Variants in PSMB7 observed in about 807,000 individuals in gnomAD.
PSMB7 encodes proteasome subunit beta type-7.
Under a neutral mutation model 28.1 loss-of-function variants are expected in PSMB7, and 5 were observed. That is an observed-to-expected ratio of 0.18 (90% CI 0.09 to 0.37). The LOEUF (loss-of-function observed/expected upper bound fraction) is 0.37. PSMB7 is among the 10% of genes least tolerant of loss of function. PSMB7 has a pLI of 1.00. For missense variants in PSMB7, 275 were observed against 346.2 expected (o/e 0.79, Z 1.63); for synonymous variants, 122 against 123.7 (o/e 0.99, Z 0.09).
intron 4 of PSMB7, among the ~76,000 whole-genome samples, chr9:124,408,230 G>A (rs1291996470): frequency 6.6e-6 from 1 of 151,892 alleles, no homozygotes; most frequent in East Asian, 1.9e-4. Flanking sequence ...TTTCTCCTGC[G>A]CTACTGACGG....
chr9:124,357,432 T>G (rs774491167), intron 6 of PSMB7, among the ~76,000 whole-genome samples: 1 of 152,206 alleles, frequency 6.6e-6, no homozygotes, highest in Non-Finnish European at 1.5e-5. Flanking sequence ...AGCTGAAAGT[T>G]ACTTGAGAAA....
intron 4 of PSMB7, 100 bp from the exon 5 acceptor site, chr9:124,405,532 T>C (rs1830954543): frequency 1.4e-6 from 1 of 737,484 alleles, no homozygotes; most frequent in Non-Finnish European, 2.3e-6. Context: ...CAAAAAGTTT[T>C]CCTTAAGACT....
At chr9:124,406,001 A>AATTTT (rs974368537) in intron 4 of PSMB7, among the ~76,000 whole-genome samples, 10 of 152,058 alleles carry the variant, frequency 6.6e-5, no homozygotes, top group African/African-American at 2.4e-4. Context: ...TCCCCTTTAA[A>AATTTT]AGACAACATT....
chr9:124,356,844 G>A lies in PSMB7; in HGVS notation c.642C>T (p.Ser214=). 1 of 1,614,202 alleles carries A rather than the reference G, an allele frequency of 6.2e-7. No individual in the cohort carries two copies. The highest frequency in any genetic ancestry group is 8.5e-7 in the Non-Finnish European group (1 of 1,180,042). ...AGIFNDLGSG[S]NIDLCVISKN... is the part of the protein sequence containing the mutation. The stretch of plus-strand genomic sequence containing the variant: ...TGCTGATGACGCAGAGGTCAATGTT[G>A]CTTCCGGAGCCCAGGTCGTTGAAGA... The change falls in exon 7 of 8, where the codon AGC becomes AGT. Residue 214 remains serine, a synonymous_variant. Transcript: ENST00000259457. The surrounding 1 kb of genome is among the most constrained non-coding windows in gnomAD (Gnocchi z 4.4).
chr9:124,360,473 G>C (rs568929390), intron 6 of PSMB7, among the ~76,000 whole-genome samples: 1 of 152,246 alleles, frequency 6.6e-6, no homozygotes, highest in Non-Finnish European at 1.5e-5. Context: ...GCCCAGGTGC[G>C]ATGCTCTCTC....
chr9:124,413,858 C>A (rs763248390), intron 3 of PSMB7, 50 bp downstream of exon 3: 23 of 1,324,948 alleles, frequency 1.7e-5, no homozygotes, highest in Non-Finnish European at 2.3e-5. Flanking sequence ...CAATTTTTAG[C>A]CCTGACATGT....
At chr9:124,411,424 C>A (rs2131182146) in intron 4 of PSMB7, among the ~76,000 whole-genome samples, 1 of 152,332 alleles carries the variant, frequency 6.6e-6, no homozygotes, top group South Asian at 2.1e-4. Flanking sequence ...CCGTGCTCCC[C>A]TTTAATTCTC....
At position 124,377,869 on chromosome 9, in the gene PSMB7, A is replaced by C. The variant is rs779434315; in HGVS notation, c.570+6729T>G. On this transcript the variant is annotated intron_variant, in intron 6 of 7. Transcript: ENST00000259457. ...CAGAGAAAGGACCATCACAGTTGGC[A>C]TTGACTAAGCATGTGCTACTTAAAA... is the stretch of plus-strand genomic sequence containing the variant. Among the ~76,000 whole-genome samples the C allele has an allele frequency of 2.0e-5, 3 of 152,230 alleles. No individual in the cohort carries two copies. The East Asian group carries it at 5.8e-4, about 29-fold the overall frequency.
chr9:124,393,156 T>TAA (rs1330962158), intron 5 of PSMB7, among the ~76,000 whole-genome samples: 1 of 152,166 alleles, frequency 6.6e-6, no homozygotes, highest in Non-Finnish European at 1.5e-5. Flanking sequence ...TTGATGAATA[T>TAA]AAAATAAGGC....
At chr9:124,369,588 T>A (rs991335511) in intron 6 of PSMB7, among the ~76,000 whole-genome samples, 3 of 152,282 alleles carry the variant, frequency 2.0e-5, no homozygotes, top group African/African-American at 7.2e-5. Flanking sequence ...CGGATGCTAA[T>A]TAAAAGGCCA....
intron 5 of PSMB7, among the ~76,000 whole-genome samples, chr9:124,402,796 C>G (rs536938699): frequency 7.9e-5 from 12 of 152,298 alleles, no homozygotes; most frequent in African/African-American, 2.6e-4. Context: ...AAAAGCAATA[C>G]TTTGATGGAG....
rs540588643 is a variant in PSMB7, at chr9:124,405,219, A to G, written c.511+98T>C. 12 of 783,630 alleles carry G rather than the reference A, an allele frequency of 1.5e-5. 1 individual carries two copies. In the South Asian group the frequency reaches 2.0e-4, roughly 13 times the overall value. The allele number at this position is 783,630 out of a possible 1,614,324, so 48.5% of individuals were successfully genotyped here. A position where few individuals can be genotyped will look rare whatever the true frequency, so the allele number is the denominator to read the frequency against. On this transcript the variant is annotated intron_variant, in intron 5 of 7. Coordinates refer to ENST00000259457, the MANE Select transcript of PSMB7 (RefSeq NM_002799.4). ...TTTGCTGAATGAATCAAAGCATTGT[A>G]TTGCACCTCCTCTTCTAAGAGAAAA...
chr9:124,389,081 C>T (rs111346316), intron 5 of PSMB7, among the ~76,000 whole-genome samples: 5 of 152,318 alleles, frequency 3.3e-5, no homozygotes, highest in African/African-American at 1.2e-4. Context: ...GCAGTAAATG[C>T]CTGGATAAGG....
chr9:124,361,772 C>G (rs1455347880), intron 6 of PSMB7, among the ~76,000 whole-genome samples: 1 of 152,204 alleles, frequency 6.6e-6, no homozygotes, highest in African/African-American at 2.4e-5. Context: ...AACCTGTTAT[C>G]TAGAGAGTTG....
intron 7 of PSMB7, among the ~76,000 whole-genome samples, chr9:124,355,964 T>C (rs1006461614): frequency 3.3e-5 from 5 of 152,170 alleles, no homozygotes; most frequent in African/African-American, 1.2e-4. Context: ...TGGTGCTCAC[T>C]TCCTCGGGGC....
chr9:124,396,077 C>T (rs1830837761), intron 5 of PSMB7, among the ~76,000 whole-genome samples: 1 of 152,192 alleles, frequency 6.6e-6, no homozygotes, highest in Admixed American at 6.5e-5. Flanking sequence ...CTATGAAGTC[C>T]ATATATACGT....
At chr9:124,387,235 G>A (rs1296818117) in intron 5 of PSMB7, among the ~76,000 whole-genome samples, 1 of 152,138 alleles carries the variant, frequency 6.6e-6, no homozygotes, top group African/African-American at 2.4e-5. Flanking sequence ...GACAGAGCAA[G>A]ACTCTGTCTC....
In PSMB7 at chr9:124,415,406, T is replaced by G; in HGVS notation, c.20A>C (p.Tyr7Ser). ...AGAGAAGCCTCCAACTGGTGGAGCA[T>G]ACACCGACACAGCCGCCATCTTCCC... is the stretch of plus-strand genomic sequence containing the variant. MAAVSV[Y>S]APPVGGFSFD... The change falls in exon 1 of 8, where the codon TAT (tyrosine) becomes TCT (serine). Residue 7 changes from tyrosine (Y) to serine (S), a missense_variant. This residue lies in a region of PSMB7 where 62 missense variants were observed against 43.9 expected (regional missense o/e 1.41). Transcript: ENST00000259457. 6.2e-7 allele frequency: 1 copy of G among 1,614,096 alleles called. No individual in the cohort carries two copies.
chr9:124,370,555 T>G (rs1480090170), intron 6 of PSMB7, among the ~76,000 whole-genome samples: 2 of 151,484 alleles, frequency 1.3e-5, no homozygotes, highest in Non-Finnish European at 2.9e-5. Context: ...ACTGCAAAGC[T>G]TTTTTTTTCT....
Sources: gnomAD v4.1 joint callset for allele counts (sites outside exome capture counted in the v4.1 genomes callset) on GRCh38, gnomAD v4.1.1 for gene constraint, gnomAD v4.1.1 regional missense constraint, Gnocchi (gnomAD v3.1) non-coding constraint, MANE v1.5 for transcripts, NCBI Gene and HGNC (gene_info 2026-07-23, HGNC 2026-07-21) for gene names.